PPP2CB: variants seen among roughly 807,000 people sequenced by gnomAD.
The protein encoded by PPP2CB is serine/threonine-protein phosphatase 2A catalytic subunit beta isoform.
A neutral mutation model predicts 39.1 loss-of-function variants in PPP2CB; 18 were observed. The ratio of observed to expected loss-of-function variants is 0.46; its 90% CI spans 0.32 to 0.68. The LOEUF (loss-of-function observed/expected upper bound fraction) is 0.68. Ranked by LOEUF, PPP2CB falls within the 30% of genes least tolerant of loss-of-function variation. The pLI is 0.04. For missense variants in PPP2CB, 226 were observed against 396.9 expected, an observed-to-expected ratio of 0.57 and a Z score of 3.66; for synonymous variants, 129 against 133.8, an observed-to-expected ratio of 0.96 and a Z score of 0.25.
chr8:30,787,025 T>C (rs1806354065), intron 6 of PPP2CB, among the ~76,000 whole-genome samples: 1 of 152,150 alleles, frequency 6.6e-6, no homozygotes, highest in Admixed American at 6.5e-5. Flanking sequence ...TTTTTGTGCC[T>C]CTATTGAGAT....
chr8:30,812,537 C>G lies in PPP2CB; in HGVS notation c.-116G>C. On this transcript the variant is annotated 5_prime_UTR_variant, in exon 1 of 7. Coordinates refer to ENST00000221138, the MANE Select transcript of PPP2CB (RefSeq NM_001009552.2). ...CTCCCCTCTCCCTCCGCCGCCGTCGCCAGGTCCCACAGGGGGAGGACTGAG... is the reference window on the plus strand; with the variant it reads ...CTCCCCTCTCCCTCCGCCGCCGTCGGCAGGTCCCACAGGGGGAGGACTGAG... 1.6e-6 allele frequency: 1 copy of G among 637,346 alleles called. No homozygotes were observed. Among genetic ancestry groups the G allele is most frequent in the Non-Finnish European group, 2.3e-6 (1 of 430,664 alleles). The allele number at this position is 637,346 out of a possible 1,614,324, so 39.5% of individuals were successfully genotyped here.
chr8:30,791,903 CAT>C (rs1163326488), intron 5 of PPP2CB, among the ~76,000 whole-genome samples: 26 of 151,338 alleles, frequency 1.7e-4, no homozygotes, highest in Admixed American at 1.5e-3. Flanking sequence ...TGTGTATATA[CAT>C]GTGTATATAC....
intron 6 of PPP2CB, 159 bp from the exon 7 acceptor site, chr8:30,786,466 C>T (rs1395174725): frequency 1.4e-5 from 7 of 515,296 alleles, no homozygotes; most frequent in Non-Finnish European, 2.0e-5. Context: ...ACTGCAGATG[C>T]TCCCATTCCA....
At chr8:30,786,659 T>C (rs1475829726) in intron 6 of PPP2CB, among the ~76,000 whole-genome samples, 2 of 145,850 alleles carry the variant, frequency 1.4e-5, no homozygotes, top group East Asian at 2.0e-4. Flanking sequence ...AATAATAATA[T>C]CACTTTTTTT....
At chr8:30,792,579 G>A (rs1240329180) in intron 5 of PPP2CB, among the ~76,000 whole-genome samples, 1 of 150,688 alleles carries the variant, frequency 6.6e-6, no homozygotes, top group African/African-American at 2.4e-5. Flanking sequence ...GAGTAGCTGG[G>A]ACAATAGACA....
At chr8:30,811,894 T>G (rs1037299231) in intron 1 of PPP2CB, among the ~76,000 whole-genome samples, 1 of 152,190 alleles carries the variant, frequency 6.6e-6, no homozygotes, top group Non-Finnish European at 1.5e-5. Context: ...CTGGTTAATT[T>G]TAGTTGCATT....
chr8:30,794,676 C>T (rs1806490690), intron 3 of PPP2CB, among the ~76,000 whole-genome samples: 1 of 152,102 alleles, frequency 6.6e-6, no homozygotes, highest in African/African-American at 2.4e-5. Context: ...GATCACTGCG[C>T]AATGCAGCCA....
intron 1 of PPP2CB, 37 bp downstream of exon 1, chr8:30,812,283 C>A (rs376538888): frequency 1.4e-6 from 2 of 1,446,966 alleles, no homozygotes; most frequent in Non-Finnish European, 1.8e-6. Context: ...CCCGTCCCAG[C>A]CCCGCGCTCC....
Position 30,785,932 on chromosome 8 carries a change from AAGG to A in PPP2CB, c.*300_*302del. 1 of 521,762 alleles carries A rather than the reference AAGG, an allele frequency of 1.9e-6. No individual in the cohort carries two copies. Among genetic ancestry groups the A allele is most frequent in the Non-Finnish European group, 3.7e-6 (1 of 272,286 alleles). The allele number at this position is 521,762 out of a possible 1,614,324, so 32.3% of individuals were successfully genotyped here. On this transcript the variant is annotated 3_prime_UTR_variant, in exon 7 of 7. Transcript: ENST00000221138. ...AACTAAAATTTCCAAATAAGCGCAA[AAGG>A]AGATGAAGCAGTTAGTTACCTTTTT...
At chr8:30,795,626 C>T (rs543141098) in intron 3 of PPP2CB, among the ~76,000 whole-genome samples, 7 of 152,240 alleles carry the variant, frequency 4.6e-5, no homozygotes, top group African/African-American at 1.7e-4. Flanking sequence ...TTTGAACTCT[C>T]CATCTTTTCC....
At chr8:30,788,747 C>T (rs556650920) in intron 6 of PPP2CB, among the ~76,000 whole-genome samples, 1 of 152,332 alleles carries the variant, frequency 6.6e-6, no homozygotes, top group Admixed American at 6.5e-5. Flanking sequence ...CAGTGTTGCT[C>T]AAGTCTTCTC....
intron 3 of PPP2CB, chr8:30,794,486 TCCCC>T: frequency 4.4e-6 from 2 of 453,542 alleles, no homozygotes; most frequent in Non-Finnish European, 3.9e-6. Flanking sequence ...TTTTTTTTTT[TCCCC>T]TCCCTCCCTC....
rs932819662 is a variant in PPP2CB at position 30,790,736 on chromosome 8, G to C, written c.857+461C>G. The stretch of plus-strand genomic sequence containing the variant: ...TGTGTCTACCAGGAGTAGAGCTTTT[G>C]TAACTCCAGACTAGGAGAGGTGAGA... On this transcript the variant is annotated intron_variant, in intron 6 of 6. Transcript: ENST00000221138. 3.3e-5 allele frequency among the ~76,000 whole-genome samples: 5 copies of C among 152,208 alleles called. No homozygotes were observed. The East Asian group carries it at 7.7e-4, about 23-fold the overall frequency.
At chr8:30,788,504 C>T (rs903873147) in intron 6 of PPP2CB, among the ~76,000 whole-genome samples, 7 of 152,320 alleles carry the variant, frequency 4.6e-5, no homozygotes, top group African/African-American at 1.7e-4. Context: ...CCTACTTTGG[C>T]TTCCCAAAGT....
At chr8:30,806,089 C>A (rs1471659886) in intron 1 of PPP2CB, among the ~76,000 whole-genome samples, 1 of 150,778 alleles carries the variant, frequency 6.6e-6, no homozygotes, top group African/African-American at 2.4e-5. Flanking sequence ...CCTCTGTCAC[C>A]CAGGCTGGAA....
At chr8:30,801,435 G>A (rs752169757) in intron 1 of PPP2CB, among the ~76,000 whole-genome samples, 1 of 152,028 alleles carries the variant, frequency 6.6e-6, no homozygotes, top group African/African-American at 2.4e-5. Context: ...AGGAGGCTGA[G>A]GCAGGAGAAT....
chr8:30,791,821 T>A (rs1469405408), intron 5 of PPP2CB, among the ~76,000 whole-genome samples: 1 of 151,668 alleles, frequency 6.6e-6, no homozygotes, highest in Non-Finnish European at 1.5e-5. Context: ...TACATGCTAA[T>A]TAATGTATGT....
At chr8:30,805,126 C>A (rs901362557) in intron 1 of PPP2CB, among the ~76,000 whole-genome samples, 5 of 152,190 alleles carry the variant, frequency 3.3e-5, no homozygotes, top group African/African-American at 1.2e-4. Flanking sequence ...TTCTTCACTG[C>A]CCACAGGAAC....
intron 6 of PPP2CB, among the ~76,000 whole-genome samples, chr8:30,789,261 C>G (rs1055415814): frequency 3.3e-5 from 5 of 152,112 alleles, no homozygotes; most frequent in African/African-American, 9.7e-5. Flanking sequence ...AACTCCCGAC[C>G]TCAGGTGATC....
Sources: allele counts gnomAD v4.1 joint callset (sites outside exome capture counted in the v4.1 genomes callset), GRCh38; gene constraint gnomAD v4.1.1; transcripts MANE v1.5; gene names NCBI Gene and HGNC (gene_info 2026-07-23, HGNC 2026-07-21).